Variants in FMNL2 observed in about 807,000 individuals in gnomAD.
FMNL2 encodes formin like 2.
Under a neutral mutation model 130.2 loss-of-function variants are expected in FMNL2, and 51 were observed. The observed-to-expected ratio is 0.39, with a 90% CI of 0.31 to 0.49. The LOEUF (loss-of-function observed/expected upper bound fraction) is 0.49, where lower values mean the gene tolerates loss of function less well. Among genes scored for constraint, FMNL2 ranks in the 20% least tolerant of loss-of-function variants. The pLI, the probability that FMNL2 is intolerant of heterozygous loss-of-function variation, is 0.85. For missense variants in FMNL2, 977 were observed against 1,316.2 expected, an observed-to-expected ratio of 0.74 and a Z score of 3.99; for synonymous variants, 465 against 467.1, an observed-to-expected ratio of 1.00 and a Z score of 0.06.
chr2:152,632,871 A>C (rs1216516292), intron 21 of FMNL2, among the ~76,000 whole-genome samples: 2 of 152,180 alleles, frequency 1.3e-5, no homozygotes, highest in South Asian at 4.1e-4. Context: ...TGTGATTCTC[A>C]AATTGTGATA....
At chr2:152,341,442 A>G (rs927137984) in intron 1 of FMNL2, among the ~76,000 whole-genome samples, 11 of 152,174 alleles carry the variant, frequency 7.2e-5, no homozygotes, top group African/African-American at 2.7e-4. Flanking sequence ...TTGGGGAGAG[A>G]TGGTATGCGT....
At chr2:152,361,769 G>C (rs948883332) in intron 1 of FMNL2, among the ~76,000 whole-genome samples, 1 of 151,934 alleles carries the variant, frequency 6.6e-6, no homozygotes, top group Non-Finnish European at 1.5e-5. Flanking sequence ...CACTGTTACC[G>C]TCTTAGAGCA....
At chr2:152,472,824 T>C (rs1239380233) in intron 1 of FMNL2, among the ~76,000 whole-genome samples, 2 of 152,164 alleles carry the variant, frequency 1.3e-5, no homozygotes, top group Non-Finnish European at 2.9e-5. Context: ...TTCCTGTCTG[T>C]AAAGTGGTGC....
intron 1 of FMNL2, among the ~76,000 whole-genome samples, chr2:152,363,077 C>G (rs1683270625): frequency 6.6e-6 from 1 of 152,188 alleles, no homozygotes; most frequent in South Asian, 2.1e-4. Flanking sequence ...TTCAAGGTTT[C>G]TCACTGAAGC....
At chr2:152,542,842 CT>C in intron 3 of FMNL2, 23 bp downstream of exon 3, 1 of 1,610,130 alleles carries the variant, frequency 6.2e-7, no homozygotes, top group Non-Finnish European at 8.5e-7. Flanking sequence ...TGTTTCCACT[CT>C]TTGTTATTGC....
chr2:152,613,937 GA>G, intron 11 of FMNL2, among the ~76,000 whole-genome samples: 1 of 152,338 alleles, frequency 6.6e-6, no homozygotes, highest in African/African-American at 2.4e-5. Context: ...GGGAGGCAGT[GA>G]ATTGGGGAAA....
chr2:152,388,284 G>A (rs950890954), intron 1 of FMNL2, among the ~76,000 whole-genome samples: 1 of 152,244 alleles, frequency 6.6e-6, no homozygotes, highest in Admixed American at 6.5e-5. Context: ...AAAGACATAC[G>A]TTAGACTGGG....
At chr2:152,645,616 A>C in intron 25 of FMNL2, 1 of 812,000 alleles carries the variant, frequency 1.2e-6, no homozygotes, top group Non-Finnish European at 1.7e-6. Context: ...ACTGGTGAGA[A>C]TCTGACCAGG....
chr2:152,589,927 A>ACCT (rs1697292690), intron 9 of FMNL2, among the ~76,000 whole-genome samples: 1 of 137,264 alleles, frequency 7.3e-6, no homozygotes, highest in Non-Finnish European at 1.5e-5. Context: ...GTACCACCAC[A>ACCT]CCTGGCTTTA....
intron 1 of FMNL2, among the ~76,000 whole-genome samples, chr2:152,459,924 A>G (rs1402899843): frequency 6.6e-6 from 1 of 152,226 alleles, no homozygotes; most frequent in Non-Finnish European, 1.5e-5. Context: ...TTTAGAAATC[A>G]CCAAAATTTT....
At chr2:152,571,766 T>C (rs1313231851) in intron 6 of FMNL2, among the ~76,000 whole-genome samples, 1 of 152,232 alleles carries the variant, frequency 6.6e-6, no homozygotes, top group Non-Finnish European at 1.5e-5. Context: ...CTTTCAAAGA[T>C]AGTATATTGA....
intron 18 of FMNL2, among the ~76,000 whole-genome samples, chr2:152,629,425 G>C (rs1311247230): frequency 3.9e-5 from 6 of 152,134 alleles, no homozygotes; most frequent in African/African-American, 1.4e-4. Context: ...AAGTTCCTAT[G>C]TTACTTGCTA....
intron 1 of FMNL2, among the ~76,000 whole-genome samples, chr2:152,447,883 T>C (rs575250590): frequency 2.0e-5 from 3 of 152,350 alleles, no homozygotes; most frequent in African/African-American, 7.2e-5. Context: ...TATGCCTGTG[T>C]ATTACCATAT....
At chr2:152,513,067 A>G (rs140204727) in intron 1 of FMNL2, among the ~76,000 whole-genome samples, 85 of 152,352 alleles carry the variant, frequency 5.6e-4, no homozygotes, top group African/African-American at 1.9e-3. Flanking sequence ...AGCTTCATTG[A>G]GATATAATGG....
In FMNL2 at chr2:152,405,119, A is replaced by G. The variant is rs566899102; in HGVS notation, c.117+69399A>G. 2.6e-5 allele frequency among the ~76,000 whole-genome samples: 4 copies of G among 152,280 alleles called. No individual in the cohort carries two copies. The East Asian group carries it at 7.7e-4, about 29-fold the overall frequency. ...GCTGTAAATTGTTGGTGGTCTTACT[A>G]GTATTGGGAGGCTGTTTTATCCCTG... On this transcript the variant is annotated intron_variant, in intron 1 of 25. Transcript: ENST00000288670.
chr2:152,375,613 A>G (rs1214917377), intron 1 of FMNL2, among the ~76,000 whole-genome samples: 1 of 112,716 alleles, frequency 8.9e-6, no homozygotes, highest in South Asian at 2.7e-4. Flanking sequence ...AAATTTCTAT[A>G]AGTTGGAGAT....
At position 152,462,279 on chromosome 2, in the gene FMNL2, A is replaced by G. The variant is rs534113415; in HGVS notation, c.118-59664A>G. On this transcript the variant is annotated intron_variant, in intron 1 of 25. Coordinates refer to ENST00000288670, the MANE Select transcript of FMNL2 (RefSeq NM_052905.4). ...GGGCTAGTGGCTGTCGTACTCAACT[A>G]GAGACTCATAAAGGAGCCACAATTT... Among the ~76,000 whole-genome samples, 18 of 152,336 alleles carry G rather than the reference A, an allele frequency of 1.2e-4. No homozygotes were observed. The South Asian group carries it at 2.9e-3, about 25-fold the overall frequency.
rs569029905 is a variant in FMNL2 at position 152,584,068 on chromosome 2, G to A, written c.876+3019G>A. Among the ~76,000 whole-genome samples the A allele has an allele frequency of 8.8e-4, 133 of 151,882 alleles. 1 individual carries two copies. The highest frequency in any genetic ancestry group is 1.6e-3 in the Non-Finnish European group (112 of 67,924). ...CTTGCTTTCTAAAACATGCAATGCC[G>A]CTCACAGCTCAAAGTCTCTTAAATC... On this transcript the variant is annotated intron_variant, in intron 9 of 25. Transcript: ENST00000288670.
At chr2:152,415,123 GTGAATCTTCT>G (rs756526771) in intron 1 of FMNL2, among the ~76,000 whole-genome samples, 3 of 151,620 alleles carry the variant, frequency 2.0e-5, no homozygotes, top group Non-Finnish European at 2.9e-5. Context: ...CAGCAGAGGT[GTGAATCTTCT>G]TCCCTTTGGC....
Sources: allele counts gnomAD v4.1 joint callset (sites outside exome capture counted in the v4.1 genomes callset), GRCh38; gene constraint gnomAD v4.1.1; transcripts MANE v1.5; gene names NCBI Gene and HGNC (gene_info 2026-07-23, HGNC 2026-07-21).